Variants in RAB8B observed in about 807,000 individuals in gnomAD.
RAB8B encodes the protein ras-related protein Rab-8B.
In RAB8B, 11 loss-of-function variants were observed where a neutral mutation model predicts 32.0. That is an observed-to-expected ratio of 0.34 (90% CI 0.22 to 0.57). RAB8B has a LOEUF of 0.57. RAB8B is among the 20% of genes least tolerant of loss of function. The probability of loss-of-function intolerance (pLI) is 0.86; values close to 1 mark genes in which losing one functional copy is unlikely to be tolerated. For missense variants in RAB8B, 190 were observed against 258.5 expected, an observed-to-expected ratio of 0.73 and a Z score of 1.82; for synonymous variants, 103 against 89.6, an observed-to-expected ratio of 1.15 and a Z score of -0.85.
intron 1 of RAB8B, among the ~76,000 whole-genome samples, chr15:63,199,199 C>T (rs2037627759): frequency 1.3e-5 from 2 of 152,180 alleles, no homozygotes; most frequent in Non-Finnish European, 2.9e-5. Flanking sequence ...AAAATGAAAA[C>T]ATTTCCCTTC....
rs975584961 is a variant in RAB8B, at chr15:63,248,437, A to C, written c.186-1208A>C. ...TGAGGCAGGAGAATCGCTTGAACCC[A>C]GGAGGCAGAGGTTGCAGTGAGCCAG... On this transcript the variant is annotated intron_variant, in intron 2 of 7. Coordinates refer to ENST00000321437, the MANE Select transcript of RAB8B (RefSeq NM_016530.3). The surrounding 1 kb of genome is among the most constrained non-coding windows in gnomAD (Gnocchi z 4.4). 1.7e-4 allele frequency among the ~76,000 whole-genome samples: 26 copies of C among 152,168 alleles called. No individual in the cohort carries two copies. The highest frequency in any genetic ancestry group is 3.1e-4 in the Non-Finnish European group (21 of 68,024).
At chr15:63,244,170 C>A (rs556949840) in intron 1 of RAB8B, among the ~76,000 whole-genome samples, 4 of 152,302 alleles carry the variant, frequency 2.6e-5, no homozygotes, top group South Asian at 4.1e-4. Flanking sequence ...TACAGTCAGG[C>A]CTGAAATCCA....
rs2038243256 is a variant in RAB8B, at chr15:63,266,003, T to C, written c.*2384T>C. On this transcript the variant is annotated 3_prime_UTR_variant, in exon 8 of 8. Transcript: ENST00000321437. ...TGAGCTAAGACCTTAGGAAATTCACTTTCTGCATGATAAAATGACCCAATA... is the reference window on the plus strand; with the variant it reads ...TGAGCTAAGACCTTAGGAAATTCACCTTCTGCATGATAAAATGACCCAATA... 6.6e-6 allele frequency: 1 copy of C among 152,598 alleles called. No homozygotes were observed. Among genetic ancestry groups the C allele is most frequent in the Non-Finnish European group, 1.5e-5 (1 of 67,992 alleles). The allele number at this position is 152,598 out of a possible 1,614,324, so 9.5% of individuals were successfully genotyped here. A position where few individuals can be genotyped will look rare whatever the true frequency, so the allele number is the denominator to read the frequency against.
intron 1 of RAB8B, among the ~76,000 whole-genome samples, chr15:63,225,949 T>C (rs1203305349): frequency 6.6e-6 from 1 of 152,142 alleles, no homozygotes. Flanking sequence ...CAAGCAATCA[T>C]CCCACCTCGG....
intron 1 of RAB8B, among the ~76,000 whole-genome samples, chr15:63,236,704 C>T (rs919901820): frequency 6.6e-6 from 1 of 152,148 alleles, no homozygotes; most frequent in Non-Finnish European, 1.5e-5. Flanking sequence ...ATAATAATCA[C>T]ATCAGGGTAA....
intron 1 of RAB8B, chr15:63,223,802 C>CA (rs1382572679): frequency 7.7e-6 from 3 of 391,062 alleles, no homozygotes; most frequent in Admixed American, 3.1e-5. Context: ...TACACTGTTC[C>CA]AAAAAAGGAG....
intron 1 of RAB8B, among the ~76,000 whole-genome samples, chr15:63,197,163 A>G (rs892107193): frequency 5.3e-5 from 8 of 151,818 alleles, no homozygotes; most frequent in Admixed American, 3.9e-4. Flanking sequence ...TTTAAAAAAA[A>G]TATTTATATA....
intron 2 of RAB8B, 49 bp from the exon 3 acceptor site, chr15:63,249,596 G>A (rs2038098274): frequency 6.4e-7 from 1 of 1,552,718 alleles, no homozygotes; most frequent in African/African-American, 1.4e-5. Context: ...TCTCCTCAGT[G>A]ATGCTGGTGA....
intron 1 of RAB8B, among the ~76,000 whole-genome samples, chr15:63,224,923 A>G (rs369415438): frequency 1.3e-5 from 2 of 152,196 alleles, no homozygotes; most frequent in South Asian, 2.1e-4. Context: ...GATATCAGAG[A>G]TGGGCAGACA....
intron 5 of RAB8B, among the ~76,000 whole-genome samples, chr15:63,257,718 A>G (rs543741478): frequency 3.1e-4 from 47 of 152,312 alleles, no homozygotes; most frequent in Admixed American, 2.0e-4. Flanking sequence ...AAATCAAAGC[A>G]TGAATACTTT....
chr15:63,224,138 C>A (rs951484544), intron 1 of RAB8B, among the ~76,000 whole-genome samples: 1 of 152,172 alleles, frequency 6.6e-6, no homozygotes, highest in African/African-American at 2.4e-5. Flanking sequence ...GAACAGTCTG[C>A]CAGCTGGCCA....
intron 1 of RAB8B, among the ~76,000 whole-genome samples, chr15:63,218,887 T>A (rs1044892558): frequency 2.0e-5 from 3 of 152,040 alleles, no homozygotes; most frequent in Non-Finnish European, 4.4e-5. Context: ...AAAAACACTT[T>A]AGCCTCTTAA....
chr15:63,253,969 G>A (rs1357556960), intron 3 of RAB8B, among the ~76,000 whole-genome samples: 2 of 152,182 alleles, frequency 1.3e-5, no homozygotes, highest in Admixed American at 1.3e-4. Flanking sequence ...AGTTTGCCGT[G>A]ATCACAAGGG....
intron 6 of RAB8B, among the ~76,000 whole-genome samples, chr15:63,261,022 A>C (rs1232560952): frequency 6.6e-6 from 1 of 152,240 alleles, no homozygotes; most frequent in African/African-American, 2.4e-5. Flanking sequence ...TTACTTACAC[A>C]AGCTTAGATA....
At chr15:63,219,492 A>G (rs1445734666) in intron 1 of RAB8B, among the ~76,000 whole-genome samples, 3 of 151,846 alleles carry the variant, frequency 2.0e-5, no homozygotes, top group Non-Finnish European at 4.4e-5. Context: ...ACAGACAAGA[A>G]CATGACAACA....
chr15:63,241,423 C>G (rs2038031160), intron 1 of RAB8B, among the ~76,000 whole-genome samples: 1 of 152,156 alleles, frequency 6.6e-6, no homozygotes, highest in African/African-American at 2.4e-5. Flanking sequence ...TTCAGGTATA[C>G]AGTAGGCATT....
At chr15:63,233,056 T>C (rs1353457106) in intron 1 of RAB8B, among the ~76,000 whole-genome samples, 5 of 34,570 alleles carry the variant, frequency 1.4e-4, no homozygotes, top group African/African-American at 2.1e-4. Context: ...AGTAGCATTC[T>C]TTTTTTTTTT....
rs2038229760 is a variant in RAB8B, at chr15:63,264,470, AC to A, written c.*853del. ...AAATTTTACGTGGGCTGAGAGATAT[AC>A]CATTTAGGGTTTTAGTGCAGCATCT... On this transcript the variant is annotated 3_prime_UTR_variant, in exon 8 of 8. Coordinates refer to ENST00000321437, the MANE Select transcript of RAB8B (RefSeq NM_016530.3). 1 of 152,208 alleles carries A rather than the reference AC, an allele frequency of 6.6e-6. No homozygotes were observed. Among genetic ancestry groups the A allele is most frequent in the African/African-American group, 2.4e-5 (1 of 41,442 alleles). The allele number at this position is 152,208 out of a possible 1,614,324, so 9.4% of individuals were successfully genotyped here.
intron 1 of RAB8B, among the ~76,000 whole-genome samples, chr15:63,208,517 A>C (rs2037718328): frequency 6.6e-6 from 1 of 152,154 alleles, no homozygotes; most frequent in East Asian, 1.9e-4. Flanking sequence ...TATGGAATGC[A>C]CAATGCTTGG....
Sources: gnomAD v4.1 joint callset for allele counts (sites outside exome capture counted in the v4.1 genomes callset) on GRCh38, gnomAD v4.1.1 for gene constraint, Gnocchi (gnomAD v3.1) non-coding constraint, MANE v1.5 for transcripts, NCBI Gene and HGNC (gene_info 2026-07-23, HGNC 2026-07-21) for gene names.